Variants in SURF4 observed in about 807,000 individuals in gnomAD.
The protein encoded by SURF4 is surfeit locus protein 4.
SURF4 carries 3 observed loss-of-function variants against 30.0 expected under a neutral mutation model. That is an observed-to-expected ratio of 0.10 (90% CI 0.05 to 0.26). The LOEUF is 0.26. Among genes scored for constraint, SURF4 ranks in the 10% least tolerant of loss-of-function variants. SURF4 has a pLI of 1.00. For synonymous variants in SURF4, 143 were observed against 139.9 expected, an observed-to-expected ratio of 1.02 and a Z score of -0.16; for missense variants, 217 against 350.8, an observed-to-expected ratio of 0.62 and a Z score of 3.05.
intron 1 of SURF4, among the ~76,000 whole-genome samples, chr9:133,374,353 G>C (rs2130223043): frequency 6.6e-6 from 1 of 151,524 alleles, no homozygotes; most frequent in East Asian, 1.9e-4. Context: ...GGGAGTTCGA[G>C]ACCAGCCTGA....
At chr9:133,372,769 A>G (rs1837578966) in intron 1 of SURF4, 1 of 341,104 alleles carries the variant, frequency 2.9e-6, no homozygotes, top group African/African-American at 2.2e-5. Flanking sequence ...GGCAGCTTTA[A>G]GTACTATGTG....
In SURF4 at chr9:133,376,023, C is replaced by G; in HGVS notation, c.-54G>C. 8.2e-7 allele frequency: 1 copy of G among 1,217,992 alleles called. No homozygotes were observed. Among genetic ancestry groups the G allele is most frequent in the South Asian group, 4.1e-5 (1 of 24,298 alleles). 75.4% of individuals were successfully genotyped at this position (1,217,992 alleles called of 1,614,324 possible). ...GCTCGCTCGCTCGCTGGCTCTCGCC[C>G]GTCGGCGCCCGCACCCGCTGCGGCC... On this transcript the variant is annotated 5_prime_UTR_variant, in exon 1 of 6. Transcript: ENST00000371989.
rs2130225359 is a variant in SURF4 at position 133,374,548 on chromosome 9, C to T, written c.48+1374G>A. ...TGCACTCCAGCCTGGGCAACAAGGT[C>T]AAAACACCATCTCAAAGAAAAAATA... On this transcript the variant is annotated intron_variant, in intron 1 of 5. Coordinates refer to ENST00000371989, the MANE Select transcript of SURF4 (RefSeq NM_033161.4). 7.2e-5 allele frequency among the ~76,000 whole-genome samples: 11 copies of T among 151,850 alleles called. No homozygotes were observed. The South Asian group carries it at 2.3e-3, about 32-fold the overall frequency.
upstream of SURF4, chr9:133,376,677 C>CG (rs1837968334): frequency 2.3e-6 from 2 of 857,020 alleles, no homozygotes; most frequent in Non-Finnish European, 3.5e-6. Flanking sequence ...TGGCCAGTGT[C>CG]GGCCTGCAGC....
upstream of SURF4, chr9:133,376,592 C>A (rs2130249852): frequency 9.7e-4 from 1,494 of 1,541,208 alleles, 25 homozygotes; most frequent in South Asian, 0.017. Context: ...GAGGCGGGAG[C>A]TCCGTGGGGT....
chr9:133,363,864 G>T lies in SURF4; in HGVS notation c.544-105C>A. The T allele has an allele frequency of 7.0e-7, 1 of 1,421,750 alleles. No individual in the cohort carries two copies. The highest frequency in any genetic ancestry group is 9.8e-7 in the Non-Finnish European group (1 of 1,018,878). 88.1% of individuals were successfully genotyped at this position (1,421,750 alleles called of 1,614,324 possible). On this transcript the variant is annotated intron_variant, in intron 5 of 5. Coordinates refer to ENST00000371989, the MANE Select transcript of SURF4 (RefSeq NM_033161.4). The surrounding 1 kb of genome is among the most constrained non-coding windows in gnomAD (Gnocchi z 4.3). ...CACGTCATGAAGTCTCTATCCATCA[G>T]GCTGATGTAGCTACTGCTGAGACGG...
At chr9:133,364,640 C>G (rs1049982275) in intron 5 of SURF4, among the ~76,000 whole-genome samples, 200 bp downstream of exon 5, 1 of 150,472 alleles carries the variant, frequency 6.6e-6, no homozygotes, top group Non-Finnish European at 1.5e-5. Context: ...TGCGGTGAGC[C>G]GAGATCACGC....
Position 133,363,789 on chromosome 9 carries a change from A to G in SURF4, c.544-30T>C. The G allele has an allele frequency of 6.2e-7, 1 of 1,613,068 alleles. No individual in the cohort carries two copies. Among genetic ancestry groups the G allele is most frequent in the South Asian group, 1.1e-5 (1 of 91,028 alleles). On this transcript the variant is annotated intron_variant, in intron 5 of 5. Transcript: ENST00000371989. The surrounding 1 kb of genome is among the most constrained non-coding windows in gnomAD (Gnocchi z 4.3). ...ATAGGTTGAAACGTAAGAAATTCAA[A>G]ATAAATGTGAGGAAAAGAGATGCTT...
chr9:133,369,251 G>A (rs1168513282), intron 1 of SURF4, among the ~76,000 whole-genome samples: 5 of 152,164 alleles, frequency 3.3e-5, no homozygotes, highest in East Asian at 1.9e-4. Flanking sequence ...TTGACTCCAC[G>A]GAAGTGATGG....
chr9:133,362,518 C>T lies in SURF4; in HGVS notation c.*975G>A, dbSNP rs1188130730. The T allele has an allele frequency of 6.5e-6, 1 of 152,752 alleles. No individual in the cohort carries two copies. The highest frequency in any genetic ancestry group is 6.5e-5 in the Admixed American group (1 of 15,286). 9.5% of individuals were successfully genotyped at this position (152,752 alleles called of 1,614,324 possible). On this transcript the variant is annotated 3_prime_UTR_variant, in exon 6 of 6. Transcript: ENST00000371989. The stretch of plus-strand genomic sequence containing the variant: ...GTGCAGCTGGGAAAGGGCGGTGCTG[C>T]TCAGCCAGGGCGGCCTGCGCTTTCG...
In SURF4 at chr9:133,361,865, CAGGG is replaced by C. The variant is rs1198764245; in HGVS notation, c.*1624_*1627del. On this transcript the variant is annotated 3_prime_UTR_variant, in exon 6 of 6. Coordinates refer to ENST00000371989, the MANE Select transcript of SURF4 (RefSeq NM_033161.4). The stretch of plus-strand genomic sequence containing the variant: ...GATGGGGGCTGTCATACGGCACTAA[CAGGG>C]AGCGAGGTGTGGACCAAGAGACAGC... 1 of 152,294 alleles carries C rather than the reference CAGGG, an allele frequency of 6.6e-6. No homozygotes were observed. The highest frequency in any genetic ancestry group is 1.9e-4 in the East Asian group (1 of 5,184). The allele number at this position is 152,294 out of a possible 1,614,324, so 9.4% of individuals were successfully genotyped here. A position where few individuals can be genotyped will look rare whatever the true frequency, so the allele number is the denominator to read the frequency against.
In SURF4 at chr9:133,362,978, C is replaced by T. The variant is rs114749077; in HGVS notation, c.*515G>A. ...TTCACTATTCCTATAAAATACAATG[C>T]GGGGCAGAAACAACATCAAAGCCAC... On this transcript the variant is annotated 3_prime_UTR_variant, in exon 6 of 6. Transcript: ENST00000371989. 7.9e-3 allele frequency: 1,788 copies of T among 226,460 alleles called. 45 individuals are homozygous for T. Among genetic ancestry groups the T allele is most frequent in the African/African-American group, 0.038 (1,639 of 43,116 alleles). The allele number at this position is 226,460 out of a possible 1,614,324, so 14.0% of individuals were successfully genotyped here. A position where few individuals can be genotyped will look rare whatever the true frequency, so the allele number is the denominator to read the frequency against.
Position 133,363,780 on chromosome 9 carries a change from G to A in SURF4, c.544-21C>T. On this transcript the variant is annotated intron_variant, in intron 5 of 5. Coordinates refer to ENST00000371989, the MANE Select transcript of SURF4 (RefSeq NM_033161.4). This position sits in a 1 kb window ranked among gnomAD's most constrained non-coding sequence, Gnocchi z 4.3. ...ACAATCTGCATAGGTTGAAACGTAA[G>A]AAATTCAAAATAAATGTGAGGAAAA... The A allele has an allele frequency of 3.1e-6, 5 of 1,613,246 alleles. No homozygotes were observed. Among genetic ancestry groups the A allele is most frequent in the Non-Finnish European group, 4.2e-6 (5 of 1,179,374 alleles).
At chr9:133,372,565 G>A in intron 1 of SURF4, 1 of 982,948 alleles carries the variant, frequency 1.0e-6, no homozygotes, top group African/African-American at 1.7e-5. Flanking sequence ...GAAGACACTG[G>A]GCCTGGGAAA....
At chr9:133,375,333 C>T in intron 1 of SURF4, 1 of 982,912 alleles carries the variant, frequency 1.0e-6, no homozygotes, top group Non-Finnish European at 1.2e-6. Flanking sequence ...AGGGCAGAGT[C>T]CAAACGGGGA....
intron 5 of SURF4, among the ~76,000 whole-genome samples, chr9:133,364,089 C>G (rs1837010837): frequency 6.6e-6 from 1 of 152,204 alleles, no homozygotes; most frequent in Non-Finnish European, 1.5e-5. Flanking sequence ...GAAACATCCT[C>G]TCTCCTCTCT....
chr9:133,365,147 C>T, intron 4 of SURF4, 121 bp from the exon 5 acceptor site: 1 of 936,386 alleles, frequency 1.1e-6, no homozygotes, highest in Non-Finnish European at 1.5e-6. Flanking sequence ...TTTCTCCAAA[C>T]CCAGTGATCT....
rs1433317962 is a variant in SURF4 at position 133,363,445 on chromosome 9, TC to T, written c.*47del. 6.2e-7 allele frequency: 1 copy of T among 1,614,066 alleles called. No homozygotes were observed. The highest frequency in any genetic ancestry group is 8.5e-7 in the Non-Finnish European group (1 of 1,180,032). ...TTTTGTTGAATCCACCCCGAACCAG[TC>T]CTTGACGGCCACGGGTCTTAGCCAG... On this transcript the variant is annotated 3_prime_UTR_variant, in exon 6 of 6. Coordinates refer to ENST00000371989, the MANE Select transcript of SURF4 (RefSeq NM_033161.4). This position sits in a 1 kb window ranked among gnomAD's most constrained non-coding sequence, Gnocchi z 4.3.
In SURF4 at chr9:133,375,992, C is replaced by CGGCTCGCT. The variant is rs1837898303; in HGVS notation, c.-31_-24dup. On this transcript the variant is annotated 5_prime_UTR_variant, in exon 1 of 6. Transcript: ENST00000371989. Reference sequence around the variant, plus strand: ...CATGGCGACGGCGGGAGGCTCGGCTCGGCTCGCTCGCTCGCTCGCTGGCTC... The same window carrying CGGCTCGCT: ...CATGGCGACGGCGGGAGGCTCGGCTCGGCTCGCTGGCTCGCTCGCTCGCTCGCTGGCTC... 8.2e-7 allele frequency: 1 copy of CGGCTCGCT among 1,224,106 alleles called. No homozygotes were observed. The highest frequency in any genetic ancestry group is 1.0e-6 in the Non-Finnish European group (1 of 980,716). 75.8% of individuals were successfully genotyped at this position (1,224,106 alleles called of 1,614,324 possible).
Sources: allele counts gnomAD v4.1 joint callset (sites outside exome capture counted in the v4.1 genomes callset), GRCh38; gene constraint gnomAD v4.1.1; non-coding constraint Gnocchi (gnomAD v3.1); transcripts MANE v1.5; gene names NCBI Gene and HGNC (gene_info 2026-07-23, HGNC 2026-07-21).